Variants in PRKG1 observed in about 807,000 individuals in gnomAD.
The protein encoded by PRKG1 is cGMP-dependent protein kinase 1.
In PRKG1, 35 loss-of-function variants were observed where a neutral mutation model predicts 88.1. The ratio of observed to expected loss-of-function variants is 0.40; its 90% confidence interval spans 0.30 to 0.53. The LOEUF (loss-of-function observed/expected upper bound fraction) is 0.53. Among genes scored for constraint, PRKG1 ranks in the 20% least tolerant of loss-of-function variants. PRKG1 has a pLI of 0.59. For synonymous variants in PRKG1, 303 were observed against 292.5 expected (o/e 1.04, Z -0.37); for missense variants, 540 against 839.8 (o/e 0.64, Z 4.41).
intron 3 of PRKG1, among the ~76,000 whole-genome samples, chr10:51,508,452 G>T (rs1438696972): frequency 6.6e-6 from 1 of 152,050 alleles, no homozygotes; most frequent in Non-Finnish European, 1.5e-5. Context: ...AGGAATATGT[G>T]CAGCATTCTA....
chr10:51,394,391 G>A (rs557530660), intron 2 of PRKG1, among the ~76,000 whole-genome samples: 24 of 152,268 alleles, frequency 1.6e-4, no homozygotes, highest in African/African-American at 2.4e-4. Context: ...AAAGAGTGCC[G>A]CAAGAGCAAG....
intron 2 of PRKG1, among the ~76,000 whole-genome samples, chr10:51,390,725 C>T (rs867744451): frequency 6.6e-6 from 1 of 152,174 alleles, no homozygotes; most frequent in African/African-American, 2.4e-5. Context: ...GAGGGACTCA[C>T]ATTTATTCAG....
rs1353164577 is a variant in PRKG1 at position 51,387,344 on chromosome 10, ATAT to A, written c.479-80375_479-80373del. ...AATAAAAATAAGTTTAAATATGTAA[ATAT>A]TATATATAAATATATGAAATTTAAA... On this transcript the variant is annotated intron_variant, in intron 2 of 17. Coordinates refer to ENST00000373980, the MANE Select transcript of PRKG1 (RefSeq NM_006258.4). 9.0e-4 allele frequency among the ~76,000 whole-genome samples: 134 copies of A among 148,866 alleles called. 1 individual carries two copies. The highest frequency in any genetic ancestry group is 3.1e-3 in the African/African-American group (127 of 40,964).
intron 3 of PRKG1, among the ~76,000 whole-genome samples, chr10:51,566,667 G>A (rs538017402): frequency 2.9e-4 from 44 of 152,010 alleles, no homozygotes; most frequent in Middle Eastern, 3.4e-3. Flanking sequence ...TCAGCTATGG[G>A]CGGGAAAACA....
chr10:51,772,372 A>C (rs917017641), intron 3 of PRKG1, among the ~76,000 whole-genome samples: 4 of 152,176 alleles, frequency 2.6e-5, no homozygotes, highest in Non-Finnish European at 5.9e-5. Flanking sequence ...AACAACAAAA[A>C]TAATTAGAAA....
At position 51,942,797 on chromosome 10, in the gene PRKG1, G is replaced by T. The variant is rs547275882; in HGVS notation, c.762+35227G>T. Reference sequence around the variant, plus strand: ...GCATTATTTCTGAGGGCTCTGTTCTGTTCCATTGATCTATATCTCTGTTTT... The same window carrying T: ...GCATTATTTCTGAGGGCTCTGTTCTTTTCCATTGATCTATATCTCTGTTTT... On this transcript the variant is annotated intron_variant, in intron 5 of 17. Coordinates refer to ENST00000373980, the MANE Select transcript of PRKG1 (RefSeq NM_006258.4). Among the ~76,000 whole-genome samples the T allele has an allele frequency of 9.2e-3, 1,392 of 151,254 alleles. 35 individuals are homozygous for T. Among genetic ancestry groups the T allele is most frequent in the African/African-American group, 0.032 (1,321 of 40,702 alleles).
rs1564627493 is a variant in PRKG1 at position 51,737,745 on chromosome 10, TTATTATTA to T, written c.593-66838_593-66831del. ...TATTTATTTATTTATTTATTAATTATTATTATTATTATTATTATTATTATTATTATTTT... is the reference window on the plus strand; with the variant it reads ...TATTTATTTATTTATTTATTAATTATTTATTATTATTATTATTATTATTTT... On this transcript the variant is annotated intron_variant, in intron 3 of 17. Coordinates refer to ENST00000373980, the MANE Select transcript of PRKG1 (RefSeq NM_006258.4). 1.1e-3 allele frequency among the ~76,000 whole-genome samples: 131 copies of T among 118,638 alleles called. 1 individual carries two copies. The highest frequency in any genetic ancestry group is 3.8e-3 in the African/African-American group (125 of 32,684). The allele number at this position is 118,638 out of a possible 152,430, so 77.8% of individuals were successfully genotyped here.
At chr10:51,454,991 G>A (rs996575027) in intron 2 of PRKG1, among the ~76,000 whole-genome samples, 1 of 152,162 alleles carries the variant, frequency 6.6e-6, no homozygotes, top group Non-Finnish European at 1.5e-5. Context: ...TCCAAAATTC[G>A]AAGTTTCATC....
At chr10:51,353,484 C>A (rs1309447573) in intron 2 of PRKG1, among the ~76,000 whole-genome samples, 1 of 150,814 alleles carries the variant, frequency 6.6e-6, no homozygotes, top group Non-Finnish European at 1.5e-5. Context: ...TAAAAATGGG[C>A]AAAAGATCTG....
At position 51,489,294 on chromosome 10, in the gene PRKG1, A is replaced by G. The variant is rs1440020573; in HGVS notation, c.592+21458A>G. On this transcript the variant is annotated intron_variant, in intron 3 of 17. Coordinates refer to ENST00000373980, the MANE Select transcript of PRKG1 (RefSeq NM_006258.4). ...TGTAGGCAGACGGGACAGGCATGCCAGGTAGAGGAATTAGCATGAGCAGAA... is the reference window on the plus strand; with the variant it reads ...TGTAGGCAGACGGGACAGGCATGCCGGGTAGAGGAATTAGCATGAGCAGAA... Among the ~76,000 whole-genome samples the G allele has an allele frequency of 2.0e-5, 3 of 152,194 alleles. No individual in the cohort carries two copies. The East Asian group carries it at 5.8e-4, about 29-fold the overall frequency.
At chr10:51,092,993 A>G (rs551658249) in intron 1 of PRKG1, among the ~76,000 whole-genome samples, 1 of 152,330 alleles carries the variant, frequency 6.6e-6, no homozygotes, top group South Asian at 2.1e-4. Context: ...AGGATTTTAT[A>G]AAAACGCATG....
At chr10:51,461,238 A>G (rs1282473901) in intron 2 of PRKG1, among the ~76,000 whole-genome samples, 4 of 152,182 alleles carry the variant, frequency 2.6e-5, no homozygotes, top group Non-Finnish European at 1.5e-5. Context: ...AACCTCAACT[A>G]GACTTTTCCA....
At chr10:52,075,185 C>G (rs745406957) in intron 7 of PRKG1, among the ~76,000 whole-genome samples, 2 of 152,106 alleles carry the variant, frequency 1.3e-5, no homozygotes, top group Non-Finnish European at 2.9e-5. Context: ...ATGATAGCAT[C>G]AAAAACTAGG....
intron 2 of PRKG1, among the ~76,000 whole-genome samples, chr10:51,174,102 A>G (rs1468443065): frequency 6.6e-6 from 1 of 151,906 alleles, no homozygotes; most frequent in Non-Finnish European, 1.5e-5. Context: ...CAAAAATATA[A>G]GTATGTGAGG....
chr10:51,138,613 G>T (rs1460536308), intron 1 of PRKG1, among the ~76,000 whole-genome samples: 1 of 147,796 alleles, frequency 6.8e-6, no homozygotes, highest in Non-Finnish European at 1.5e-5. Context: ...TTTAGTTCAG[G>T]TTGATTGCTA....
chr10:52,101,893 A>G (rs768430893), intron 7 of PRKG1, among the ~76,000 whole-genome samples: 5 of 152,214 alleles, frequency 3.3e-5, no homozygotes, highest in Non-Finnish European at 5.9e-5. Flanking sequence ...ATTTATTAGT[A>G]AAGAAGAGGA....
intron 5 of PRKG1, among the ~76,000 whole-genome samples, chr10:52,005,469 C>A (rs7071412): frequency 0.04 from 6,143 of 152,058 alleles, 284 homozygotes; most frequent in African/African-American, 0.12. Flanking sequence ...AGTGTGTGAC[C>A]CCACCCAACC....
At chr10:51,096,726 T>G (rs1844539367) in intron 1 of PRKG1, among the ~76,000 whole-genome samples, 1 of 152,272 alleles carries the variant, frequency 6.6e-6, no homozygotes, top group Admixed American at 6.5e-5. Context: ...GTTAGGAGAA[T>G]TACACAAGAT....
At chr10:52,169,172 A>T (rs1838587429) in intron 9 of PRKG1, among the ~76,000 whole-genome samples, 1 of 152,176 alleles carries the variant, frequency 6.6e-6, no homozygotes, top group Non-Finnish European at 1.5e-5. Context: ...GGAGAGATGA[A>T]AGGTAGAAGG....
Sources: allele counts gnomAD v4.1 joint callset (sites outside exome capture counted in the v4.1 genomes callset), GRCh38; gene constraint gnomAD v4.1.1; transcripts MANE v1.5; gene names NCBI Gene and HGNC (gene_info 2026-07-23, HGNC 2026-07-21).